The following SGF29 variants were observed in gnomAD, a reference collection of about 807,000 sequenced individuals.
SGF29 encodes SAGA complex associated factor 29, also known as SAGA-associated factor 29.
In SGF29, 15 loss-of-function variants were observed where a neutral mutation model predicts 38.1. The ratio of observed to expected loss-of-function variants is 0.39; its 90% confidence interval spans 0.26 to 0.61. SGF29 has a LOEUF of 0.61. Among genes scored for constraint, SGF29 ranks in the 20% least tolerant of loss-of-function variants. SGF29 has a pLI of 0.49. For synonymous variants in SGF29, 151 were observed against 160.8 expected (o/e 0.94, Z 0.46); for missense variants, 184 against 394.6 (o/e 0.47, Z 4.52).
intron 1 of SGF29, among the ~76,000 whole-genome samples, chr16:28,564,581 G>GTATA (rs1167566181): frequency 8.6e-6 from 1 of 116,396 alleles, no homozygotes; most frequent in African/African-American, 3.0e-5. Context: ...ATATATACAC[G>GTATA]TATATATATA....
intron 1 of SGF29, among the ~76,000 whole-genome samples, chr16:28,573,022 C>G (rs981882403): frequency 6.6e-6 from 1 of 152,326 alleles, no homozygotes. Flanking sequence ...TTGCCTCCCC[C>G]TCCTGTGTGT....
At chr16:28,591,037 A>C in intron 9 of SGF29, 102 bp downstream of exon 9, 40 of 1,382,484 alleles carry the variant, frequency 2.9e-5, no homozygotes, top group Non-Finnish European at 3.9e-5. Context: ...TCCTCATCTC[A>C]CAGGCTCCAA....
rs11445174 is a variant in SGF29 at position 28,563,715 on chromosome 16, C to CTTT, written c.-16+9639_-16+9641dup. ...GTGTGTGTTTTTCTAGAGAAACAGA[C>CTTT]TTTTTTTTTTTTTTTTTTTTTTTGA... On this transcript the variant is annotated intron_variant, in intron 1 of 9. Coordinates refer to ENST00000317058, the MANE Select transcript of SGF29 (RefSeq NM_138414.3). 8.1e-3 allele frequency among the ~76,000 whole-genome samples: 657 copies of CTTT among 80,836 alleles called. 5 individuals carry two copies. The highest frequency in any genetic ancestry group is 0.011 in the Non-Finnish European group (469 of 42,130). 53.0% of individuals were successfully genotyped at this position (80,836 alleles called of 152,430 possible). A position where few individuals can be genotyped will look rare whatever the true frequency, so the allele number is the denominator to read the frequency against.
At chr16:28,581,258 C>A in intron 2 of SGF29, 114 bp downstream of exon 2, 1 of 934,414 alleles carries the variant, frequency 1.1e-6, no homozygotes, top group South Asian at 1.4e-5. Context: ...ACCAAAATGA[C>A]GTAATAAAAG....
intron 1 of SGF29, among the ~76,000 whole-genome samples, chr16:28,564,654 CGTATATATATGCATATATAT>C (rs2046817663): frequency 1.7e-5 from 1 of 57,738 alleles, no homozygotes; most frequent in Admixed American, 2.2e-4. Context: ...TGTATATATA[CGTATATATATGCATATATAT>C]GTATATATAT....
intron 1 of SGF29, among the ~76,000 whole-genome samples, chr16:28,572,138 G>A (rs1025755625): frequency 5.3e-5 from 8 of 151,836 alleles, no homozygotes; most frequent in African/African-American, 9.7e-5. Flanking sequence ...CACCACGCCC[G>A]GCTAATTTTT....
At chr16:28,580,837 A>G (rs1372269373) in intron 1 of SGF29, among the ~76,000 whole-genome samples, 1 of 152,112 alleles carries the variant, frequency 6.6e-6, no homozygotes, top group Non-Finnish European at 1.5e-5. Flanking sequence ...GTGTGCCACT[A>G]TGCCGGGCTA....
At chr16:28,584,743 C>T (rs980273513) in intron 2 of SGF29, among the ~76,000 whole-genome samples, 170 bp from the exon 3 acceptor site, 17 of 147,140 alleles carry the variant, frequency 1.2e-4, no homozygotes, top group Admixed American at 2.8e-4. Flanking sequence ...GAGCCGAGAT[C>T]GTGCCACTAC....
intron 3 of SGF29, 155 bp downstream of exon 3, chr16:28,585,143 G>C (rs1175593320): frequency 5.0e-6 from 3 of 605,010 alleles, no homozygotes; most frequent in African/African-American, 3.7e-5. Flanking sequence ...CGTTAATCTG[G>C]GTGACCTGAA....
At chr16:28,554,382 C>A (rs1277602604) in intron 1 of SGF29, among the ~76,000 whole-genome samples, 1 of 152,158 alleles carries the variant, frequency 6.6e-6, no homozygotes, top group African/African-American at 2.4e-5. Context: ...CTGGGCTCGG[C>A]ACGGACGCAG....
Position 28,590,012 on chromosome 16 carries a change from T to C in SGF29, c.290-84T>C. The C allele has an allele frequency of 6.7e-7, 1 of 1,498,132 alleles. No individual in the cohort carries two copies. Among genetic ancestry groups the C allele is most frequent in the East Asian group, 2.3e-5 (1 of 42,676 alleles). The allele number at this position is 1,498,132 out of a possible 1,614,324, so 92.8% of individuals were successfully genotyped here. A position where few individuals can be genotyped will look rare whatever the true frequency, so the allele number is the denominator to read the frequency against. On this transcript the variant is annotated intron_variant, in intron 5 of 9. Transcript: ENST00000317058. The surrounding 1 kb of genome is among the most constrained non-coding windows in gnomAD (Gnocchi z 8.2). Reference sequence around the variant, plus strand: ...TCGGGAACTGGGGGCTCCCAGGTGCTCCTTCAACAGCTCAGTGCAGCATGC... The same window carrying C: ...TCGGGAACTGGGGGCTCCCAGGTGCCCCTTCAACAGCTCAGTGCAGCATGC...
intron 1 of SGF29, among the ~76,000 whole-genome samples, chr16:28,558,748 C>G (rs1253429946): frequency 6.6e-6 from 1 of 152,190 alleles, no homozygotes; most frequent in African/African-American, 2.4e-5. Flanking sequence ...CTGATACATG[C>G]TGTGACATTG....
At chr16:28,585,803 C>A in intron 4 of SGF29, 83 bp downstream of exon 4, 2 of 1,300,800 alleles carry the variant, frequency 1.5e-6, no homozygotes, top group Non-Finnish European at 2.2e-6. Context: ...AAGTCCCCAG[C>A]CTGCCTTCCT....
intron 2 of SGF29, among the ~76,000 whole-genome samples, chr16:28,581,816 G>C (rs2151650805): frequency 6.6e-6 from 1 of 152,112 alleles, no homozygotes; most frequent in African/African-American, 2.4e-5. Context: ...CTACTGGGGA[G>C]GCTGAGGCAG....
At chr16:28,566,698 T>C (rs1484092745) in intron 1 of SGF29, among the ~76,000 whole-genome samples, 2 of 147,756 alleles carry the variant, frequency 1.4e-5, no homozygotes, top group African/African-American at 4.9e-5. Flanking sequence ...GGAGAGAGAA[T>C]TGCTTGAGCC....
In SGF29 at chr16:28,568,583, A is replaced by G. The variant is rs2046847128; in HGVS notation, c.-15-12472A>G. 2.4e-5 allele frequency among the ~76,000 whole-genome samples: 3 copies of G among 126,612 alleles called. No individual in the cohort carries two copies. The South Asian group carries it at 7.1e-4, about 30-fold the overall frequency. 83.1% of individuals were successfully genotyped at this position (126,612 alleles called of 152,430 possible). On this transcript the variant is annotated intron_variant, in intron 1 of 9. Transcript: ENST00000317058. ...TCTCATTGCTTCTCTGGGCTTGATA[A>G]TTAAGGGGTGGTTGGGGGGGGCTCA...
chr16:28,590,554 G>A lies in SGF29; in HGVS notation c.567-77G>A, dbSNP rs2046982941. On this transcript the variant is annotated intron_variant, in intron 7 of 9. Transcript: ENST00000317058. The surrounding 1 kb of genome is among the most constrained non-coding windows in gnomAD (Gnocchi z 8.2). ...GAGGCTGGTTGTGCAGGGAGCACCA[G>A]GTCCTCCCCCATCCTCACTCCCCAA... The A allele has an allele frequency of 6.2e-7, 1 of 1,612,118 alleles. No individual in the cohort carries two copies. The highest frequency in any genetic ancestry group is 2.2e-5 in the East Asian group (1 of 44,880).
intron 1 of SGF29, among the ~76,000 whole-genome samples, chr16:28,564,688 T>TATATATAC (rs2046819612): frequency 2.6e-5 from 2 of 75,480 alleles, no homozygotes; most frequent in African/African-American, 1.2e-4. Context: ...TATATATGTG[T>TATATATAC]ATATATATGT....
chr16:28,582,451 G>A (rs2046931811), intron 2 of SGF29, among the ~76,000 whole-genome samples: 1 of 152,180 alleles, frequency 6.6e-6, no homozygotes, highest in African/African-American at 2.4e-5. Flanking sequence ...CCATCATGGG[G>A]ATGGATGTAG....
Sources: allele counts gnomAD v4.1 joint callset (sites outside exome capture counted in the v4.1 genomes callset), GRCh38; gene constraint gnomAD v4.1.1; non-coding constraint Gnocchi (gnomAD v3.1); transcripts MANE v1.5; gene names NCBI Gene and HGNC (gene_info 2026-07-23, HGNC 2026-07-21).